FHIT: variants seen among roughly 807,000 people sequenced by gnomAD.
FHIT encodes bis(5'-adenosyl)-triphosphatase.
Under a neutral mutation model 17.9 loss-of-function variants are expected in FHIT, and 19 were observed. That is an observed-to-expected ratio of 1.06 (90% CI 0.74 to 1.56). The LOEUF is 1.56. Ranked by LOEUF, FHIT falls within the 40% of genes most tolerant of loss-of-function variation. The pLI is 0.00. For synonymous variants in FHIT, 81 were observed against 69.7 expected (o/e 1.16, Z -0.81); for missense variants, 248 against 189.2 (o/e 1.31, Z -1.82).
intron 2 of FHIT, among the ~76,000 whole-genome samples, chr3:61,199,100 G>A (rs1317244231): frequency 2.6e-5 from 4 of 152,150 alleles, no homozygotes; most frequent in Non-Finnish European, 5.9e-5. Context: ...CTCTAAGAGG[G>A]TGAATAAGTT....
chr3:59,982,760 A>G (rs988214085), intron 7 of FHIT, among the ~76,000 whole-genome samples: 3 of 152,098 alleles, frequency 2.0e-5, no homozygotes, highest in African/African-American at 7.2e-5. Flanking sequence ...CAATAGATAA[A>G]AAAAGGGAGC....
chr3:60,252,697 A>G (rs1238968985), intron 5 of FHIT, among the ~76,000 whole-genome samples: 1 of 152,062 alleles, frequency 6.6e-6, no homozygotes, highest in Non-Finnish European at 1.5e-5. Context: ...AACAGATAAT[A>G]AAAAAAGACT....
intron 4 of FHIT, among the ~76,000 whole-genome samples, chr3:60,815,280 GC>G (rs1701700277): frequency 6.6e-6 from 1 of 152,058 alleles, no homozygotes; most frequent in Admixed American, 6.6e-5. Context: ...TGTTGCAATT[GC>G]TTTTGAGGAC....
At chr3:59,983,269 G>A (rs1428892369) in intron 7 of FHIT, among the ~76,000 whole-genome samples, 4 of 152,002 alleles carry the variant, frequency 2.6e-5, no homozygotes, top group Admixed American at 1.3e-4. Context: ...AAAAAGAAGG[G>A]GTATATTTAT....
intron 7 of FHIT, among the ~76,000 whole-genome samples, chr3:59,967,056 A>AAC (rs142948532): frequency 0.044 from 6,661 of 151,728 alleles, 219 homozygotes; most frequent in Admixed American, 0.1. Flanking sequence ...GTTAAAAACC[A>AAC]ACACACACAC....
intron 4 of FHIT, among the ~76,000 whole-genome samples, chr3:60,753,477 A>G (rs1256529527): frequency 1.3e-5 from 2 of 152,224 alleles, no homozygotes; most frequent in Non-Finnish European, 2.9e-5. Context: ...GGAATTCAAT[A>G]ATCTCACATC....
intron 5 of FHIT, among the ~76,000 whole-genome samples, chr3:60,455,114 G>T (rs1456255078): frequency 6.6e-6 from 1 of 152,038 alleles, no homozygotes; most frequent in Non-Finnish European, 1.5e-5. Flanking sequence ...TTAAGATGGG[G>T]TGGGTGAGGT....
chr3:60,477,760 G>A (rs1023601151), intron 5 of FHIT, among the ~76,000 whole-genome samples: 5 of 152,170 alleles, frequency 3.3e-5, no homozygotes, highest in African/African-American at 1.2e-4. Flanking sequence ...GAATCAGGTA[G>A]AGACCATAGT....
rs1434687809 is a variant in FHIT at position 60,418,394 on chromosome 3, A to G, written c.103+118466T>C. Among the ~76,000 whole-genome samples, 19 of 107,090 alleles carry G rather than the reference A, an allele frequency of 1.8e-4. 1 individual carries two copies. Among genetic ancestry groups the G allele is most frequent in the South Asian group, 1.0e-3 (3 of 2,874 alleles). The allele number at this position is 107,090 out of a possible 152,430, so 70.3% of individuals were successfully genotyped here. On this transcript the variant is annotated intron_variant, in intron 5 of 9. Coordinates refer to ENST00000492590, the MANE Select transcript of FHIT (RefSeq NM_002012.4). Reference sequence around the variant, plus strand: ...AATGTGTGTATATATATATATATATATATATATATATATATATATATATAT... The same window carrying G: ...AATGTGTGTATATATATATATATATGTATATATATATATATATATATATAT...
At chr3:60,837,549 T>A (rs189537793) in intron 3 of FHIT, among the ~76,000 whole-genome samples, 1 of 152,290 alleles carries the variant, frequency 6.6e-6, no homozygotes, top group Admixed American at 6.5e-5. Context: ...TTTTAAACAA[T>A]TCTGCTAATC....
At position 60,561,422 on chromosome 3, in the gene FHIT, T is replaced by G. The variant is rs549397508; in HGVS notation, c.-17-24443A>C. On this transcript the variant is annotated intron_variant, in intron 4 of 9. Coordinates refer to ENST00000492590, the MANE Select transcript of FHIT (RefSeq NM_002012.4). ...AAGTGGAGTCCTTACAAGTCGCTAT[T>G]GATAGAATAAGAGCTAGTCAAAGAA... is the stretch of plus-strand genomic sequence containing the variant. Among the ~76,000 whole-genome samples the G allele has an allele frequency of 1.1e-3, 171 of 152,124 alleles. 2 individuals carry two copies. The highest frequency in any genetic ancestry group is 3.8e-3 in the African/African-American group (156 of 41,502).
chr3:59,935,607 A>G (rs1482339150), intron 7 of FHIT, among the ~76,000 whole-genome samples: 1 of 151,756 alleles, frequency 6.6e-6, no homozygotes, highest in Non-Finnish European at 1.5e-5. Flanking sequence ...TAGAAGACAT[A>G]TTTTCTAAAT....
chr3:60,216,714 A>G (rs2107526472), intron 5 of FHIT, among the ~76,000 whole-genome samples: 1 of 152,314 alleles, frequency 6.6e-6, no homozygotes, highest in South Asian at 2.1e-4. Context: ...TCCATAACAG[A>G]GCATTTTTAA....
intron 2 of FHIT, among the ~76,000 whole-genome samples, chr3:61,168,453 G>C (rs1224694007): frequency 6.6e-6 from 1 of 152,200 alleles, no homozygotes; most frequent in Non-Finnish European, 1.5e-5. Context: ...CCTAATGGCA[G>C]TTGCCTGAGG....
intron 5 of FHIT, among the ~76,000 whole-genome samples, chr3:60,405,211 T>C (rs1291762417): frequency 6.6e-6 from 1 of 152,180 alleles, no homozygotes; most frequent in African/African-American, 2.4e-5. Context: ...TGGCACACTT[T>C]CCTCTGACTG....
intron 5 of FHIT, among the ~76,000 whole-genome samples, chr3:60,105,110 C>T (rs376615073): frequency 1.3e-5 from 2 of 152,266 alleles, no homozygotes; most frequent in South Asian, 4.1e-4. Flanking sequence ...ATCACTCATT[C>T]TATTTCCCCT....
At chr3:61,119,457 G>A (rs2036392976) in intron 2 of FHIT, among the ~76,000 whole-genome samples, 1 of 151,968 alleles carries the variant, frequency 6.6e-6, no homozygotes, top group Admixed American at 6.6e-5. Flanking sequence ...CAAGTGATCT[G>A]CCCACATTAG....
At chr3:60,078,663 A>T (rs1484527000) in intron 5 of FHIT, among the ~76,000 whole-genome samples, 3 of 152,172 alleles carry the variant, frequency 2.0e-5, no homozygotes, top group South Asian at 2.1e-4. Flanking sequence ...CAGTAATTAC[A>T]CTATGTTTTT....
intron 5 of FHIT, among the ~76,000 whole-genome samples, chr3:60,274,149 C>A (rs1314196007): frequency 6.6e-6 from 1 of 152,114 alleles, no homozygotes; most frequent in Non-Finnish European, 1.5e-5. Context: ...GAAAGTTCAT[C>A]TTATACAGGG....
Sources: gnomAD v4.1 joint callset for allele counts (sites outside exome capture counted in the v4.1 genomes callset) on GRCh38, gnomAD v4.1.1 for gene constraint, MANE v1.5 for transcripts, NCBI Gene and HGNC (gene_info 2026-07-23, HGNC 2026-07-21) for gene names.